UCN3: variants seen among roughly 807,000 people sequenced by gnomAD.
UCN3 encodes the protein urocortin 3.
UCN3 carries 3 observed loss-of-function variants against 3.6 expected under a neutral mutation model. The observed-to-expected ratio is 0.83, with a 90% CI of 0.38 to 2.15. The LOEUF is 2.15. Ranked by LOEUF, UCN3 falls within the 30% of genes most tolerant of loss-of-function variation. The probability of loss-of-function intolerance (pLI) is 0.06; values close to 1 mark genes in which losing one functional copy is unlikely to be tolerated. For missense variants in UCN3, 206 were observed against 208.3 expected (o/e 0.99, Z 0.07); for synonymous variants, 100 against 93.2 (o/e 1.07, Z -0.42).
rs1263387278 is a variant in UCN3 at position 5,366,295 on chromosome 10, G to T, written c.-7+1065G>T. Among the ~76,000 whole-genome samples the T allele has an allele frequency of 1.3e-5, 2 of 152,184 alleles. No individual in the cohort carries two copies. Among genetic ancestry groups the T allele is most frequent in the African/African-American group, 2.4e-5 (1 of 41,444 alleles). On this transcript the variant is annotated intron_variant, in intron 1 of 1. Coordinates refer to ENST00000380433, the MANE Select transcript of UCN3 (RefSeq NM_053049.4). This position sits in a 1 kb window ranked among gnomAD's most constrained non-coding sequence, Gnocchi z 4.2. ...CTCGACAAGTGCTACTGTCACCATAGCCCAAAGGAATGGTTGAGTTTCAGG... is the reference window on the plus strand; with the variant it reads ...CTCGACAAGTGCTACTGTCACCATATCCCAAAGGAATGGTTGAGTTTCAGG...
intron 1 of UCN3, among the ~76,000 whole-genome samples, chr10:5,373,327 G>A (rs1291938707): frequency 6.6e-6 from 1 of 152,126 alleles, no homozygotes; most frequent in Non-Finnish European, 1.5e-5. Context: ...ATCAACTATG[G>A]TAGGCTGCTA....
chr10:5,373,364 C>G (rs111727562), intron 1 of UCN3, among the ~76,000 whole-genome samples: 2 of 152,098 alleles, frequency 1.3e-5, no homozygotes, highest in African/African-American at 4.8e-5. Context: ...ATTAGTTATT[C>G]GCTTTACAGG....
intron 1 of UCN3, among the ~76,000 whole-genome samples, chr10:5,370,595 G>A: frequency 1.6e-5 from 2 of 125,256 alleles, no homozygotes; most frequent in Admixed American, 8.9e-5. Context: ...GTATATGTGT[G>A]TGTGTATGCG....
rs1198974672 is a variant in UCN3 at position 5,369,911 on chromosome 10, GTA to G, written c.-6-3800_-6-3799del. Among the ~76,000 whole-genome samples, 50 of 121,364 alleles carry G rather than the reference GTA, an allele frequency of 4.1e-4. 5 individuals carry two copies. The highest frequency in any genetic ancestry group is 1.8e-3 in the African/African-American group (47 of 26,478). The allele number at this position is 121,364 out of a possible 152,430, so 79.6% of individuals were successfully genotyped here. A position where few individuals can be genotyped will look rare whatever the true frequency, so the allele number is the denominator to read the frequency against. On this transcript the variant is annotated intron_variant, in intron 1 of 1. Coordinates refer to ENST00000380433, the MANE Select transcript of UCN3 (RefSeq NM_053049.4). ...TATGTGTGTGTGTATATGTGTGTGT[GTA>G]TATGTGTGTGTATGTGTGTGTGTGT...
At chr10:5,372,174 G>T (rs1554811608) in intron 1 of UCN3, among the ~76,000 whole-genome samples, 1 of 152,246 alleles carries the variant, frequency 6.6e-6, no homozygotes, top group African/African-American at 2.4e-5. Flanking sequence ...TTACAGGGCT[G>T]GGGAGAGTGT....
At chr10:5,371,551 G>A (rs565850572) in intron 1 of UCN3, among the ~76,000 whole-genome samples, 9 of 152,178 alleles carry the variant, frequency 5.9e-5, no homozygotes, top group Middle Eastern at 3.4e-3. Context: ...TCTGTCCATC[G>A]CTCACAGCCT....
At chr10:5,369,186 C>T (rs1033639994) in intron 1 of UCN3, among the ~76,000 whole-genome samples, 30 of 152,196 alleles carry the variant, frequency 2.0e-4, no homozygotes, top group African/African-American at 6.5e-4. Context: ...GCCAGAGATA[C>T]GATACAACAA....
At position 5,374,008 on chromosome 10, in the gene UCN3, A is replaced by G; in HGVS notation, c.288A>G (p.Arg96=). 6.2e-7 allele frequency: 1 copy of G among 1,611,384 alleles called. No homozygotes were observed. Among genetic ancestry groups the G allele is most frequent in the Middle Eastern group, 1.6e-4 (1 of 6,062 alleles). Residue 96 remains arginine, a synonymous_variant, in exon 2 of 2, where the codon AGA becomes AGG. Transcript: ENST00000380433. ...ARGGARGTRY[R]YVSQAQPRGK... ...GTGGAGCCAGAGGCACCCGGTACAG[A>G]TACGTGTCCCAAGCACAGCCCAGGG...
In UCN3 at chr10:5,367,196, A is replaced by G. The variant is rs1554810759; in HGVS notation, c.-7+1966A>G. Among the ~76,000 whole-genome samples, 1 of 152,234 alleles carries G rather than the reference A, an allele frequency of 6.6e-6. No homozygotes were observed. The highest frequency in any genetic ancestry group is 1.5e-5 in the Non-Finnish European group (1 of 68,038). On this transcript the variant is annotated intron_variant, in intron 1 of 1. Transcript: ENST00000380433. The surrounding 1 kb of genome is among the most constrained non-coding windows in gnomAD (Gnocchi z 4.3). ...CTAGCCCATTGCAAGGGAAAACCTG[A>G]ACTTTTTCACAGGAAAATTGCAGAA...
chr10:5,370,880 T>TG (rs1275355059), intron 1 of UCN3, among the ~76,000 whole-genome samples: 1 of 108,218 alleles, frequency 9.2e-6, no homozygotes, highest in East Asian at 3.3e-4. Context: ...TGTGTGTGTA[T>TG]ATGCGTGTGT....
In UCN3 at chr10:5,369,913, A is replaced by G. The variant is rs940305599; in HGVS notation, c.-6-3802A>G. On this transcript the variant is annotated intron_variant, in intron 1 of 1. Coordinates refer to ENST00000380433, the MANE Select transcript of UCN3 (RefSeq NM_053049.4). ...TGTGTGTGTGTATATGTGTGTGTGTATATGTGTGTGTATGTGTGTGTGTGT... is the reference window on the plus strand; with the variant it reads ...TGTGTGTGTGTATATGTGTGTGTGTGTATGTGTGTGTATGTGTGTGTGTGT... 1.6e-3 allele frequency among the ~76,000 whole-genome samples: 156 copies of G among 99,588 alleles called. 15 individuals are homozygous for G. The highest frequency in any genetic ancestry group is 5.9e-3 in the African/African-American group (123 of 20,788). The allele number at this position is 99,588 out of a possible 152,430, so 65.3% of individuals were successfully genotyped here.
rs1464649357 is a variant in UCN3, at chr10:5,373,901, T to C, written c.181T>C (p.Tyr61His). The change falls in exon 2 of 2, where the codon TAC (tyrosine) becomes CAC (histidine). Residue 61 changes from tyrosine (Y) to histidine (H), a missense_variant. Transcript: ENST00000380433. ...ASLLSKRSFH[Y>H]LRSRDASSGE... The stretch of plus-strand genomic sequence containing the variant: ...CCTGCTGAGCAAGAGGAGCTTCCAC[T>C]ACCTGCGCAGCAGAGACGCCTCTTC... The C allele has an allele frequency of 7.4e-6, 12 of 1,613,776 alleles. No homozygotes were observed. The highest frequency in any genetic ancestry group is 1.3e-5 in the African/African-American group (1 of 74,976).
chr10:5,370,466 TATATGC>T (rs1447553112), intron 1 of UCN3, among the ~76,000 whole-genome samples: 4 of 114,048 alleles, frequency 3.5e-5, no homozygotes, highest in East Asian at 3.5e-4. Context: ...TATATGTGTG[TATATGC>T]GTGTGTATAT....
chr10:5,370,274 CGT>C (rs1451199714), intron 1 of UCN3, among the ~76,000 whole-genome samples: 4 of 32,050 alleles, frequency 1.2e-4, no homozygotes, highest in East Asian at 2.3e-3. Flanking sequence ...TGTGTATATG[CGT>C]GTGTATATGC....
At position 5,373,985 on chromosome 10, in the gene UCN3, G is replaced by A. The variant is rs140061257; in HGVS notation, c.265G>A (p.Gly89Arg). 3.1e-4 allele frequency: 504 copies of A among 1,610,646 alleles called. 1 individual carries two copies. The African/African-American group carries it at 6.1e-3, about 20-fold the overall frequency. Reference sequence around the variant, plus strand: ...TTTCCCCATCTCTGGGGCCAGGGGTGGAGCCAGAGGCACCCGGTACAGATA... The same window carrying A: ...TTTCCCCATCTCTGGGGCCAGGGGTAGAGCCAGAGGCACCCGGTACAGATA... ...KTFPISGARG[G>R]ARGTRYRYVS... Residue 89 changes from glycine (G) to arginine (R), a missense_variant, in exon 2 of 2, where the codon GGA (glycine) becomes AGA (arginine). Transcript: ENST00000380433.
rs1554811269 is a variant in UCN3 at position 5,370,593 on chromosome 10, GTGTGTGTATGCGTGTGTA to G, written c.-6-3120_-6-3103del. 7.9e-5 allele frequency among the ~76,000 whole-genome samples: 10 copies of G among 126,560 alleles called. 3 individuals are homozygous for G. Among genetic ancestry groups the G allele is most frequent in the Non-Finnish European group, 1.6e-4 (10 of 60,608 alleles). The allele number at this position is 126,560 out of a possible 152,430, so 83.0% of individuals were successfully genotyped here. A position where few individuals can be genotyped will look rare whatever the true frequency, so the allele number is the denominator to read the frequency against. On this transcript the variant is annotated intron_variant, in intron 1 of 1. Coordinates refer to ENST00000380433, the MANE Select transcript of UCN3 (RefSeq NM_053049.4). ...TATGCGTGTATATGTGTGTATATGTGTGTGTGTATGCGTGTGTATATGCGTGTATATGCGTGTGTATGT... is the reference window on the plus strand; with the variant it reads ...TATGCGTGTATATGTGTGTATATGTGTATGCGTGTATATGCGTGTGTATGT...
In UCN3 at chr10:5,370,385, A is replaced by G. The variant is rs1297100915; in HGVS notation, c.-6-3330A>G. On this transcript the variant is annotated intron_variant, in intron 1 of 1. Transcript: ENST00000380433. ...TATATGCGTGTGTATATGCGTGTATATGCGTGTGTATATGTGTGTGTATAT... is the reference window on the plus strand; with the variant it reads ...TATATGCGTGTGTATATGCGTGTATGTGCGTGTGTATATGTGTGTGTATAT... Among the ~76,000 whole-genome samples the G allele has an allele frequency of 7.4e-5, 4 of 53,892 alleles. 1 individual carries two copies. Among genetic ancestry groups the G allele is most frequent in the African/African-American group, 3.3e-4 (3 of 9,208 alleles). The allele number at this position is 53,892 out of a possible 152,430, so 35.4% of individuals were successfully genotyped here.
Position 5,373,979 on chromosome 10 carries a change from A to G in UCN3, c.259A>G (p.Arg87Gly), listed in dbSNP as rs551651902. 1.7e-5 allele frequency: 27 copies of G among 1,610,762 alleles called. 1 individual carries two copies. In the South Asian group the frequency reaches 2.8e-4, roughly 16 times the overall value. ...AAAGACTTTCCCCATCTCTGGGGCC[A>G]GGGGTGGAGCCAGAGGCACCCGGTA... is the stretch of plus-strand genomic sequence containing the variant. ...EKKTFPISGA[R>G]GGARGTRYRY... The change falls in exon 2 of 2, where the codon AGG (arginine) becomes GGG (glycine). Residue 87 changes from arginine to glycine, a missense_variant. Physicochemically the swap from Arg to Gly is moderately radical, Grantham distance 125. Transcript: ENST00000380433.
At chr10:5,372,707 G>A (rs776597694) in intron 1 of UCN3, among the ~76,000 whole-genome samples, 2 of 145,020 alleles carry the variant, frequency 1.4e-5, no homozygotes, top group East Asian at 2.1e-4. Context: ...ACACCACCAC[G>A]CCCAGCTAAT....
Sources: gnomAD v4.1 joint callset for allele counts (sites outside exome capture counted in the v4.1 genomes callset) on GRCh38, gnomAD v4.1.1 for gene constraint, Gnocchi (gnomAD v3.1) non-coding constraint, MANE v1.5 for transcripts, NCBI Gene and HGNC (gene_info 2026-07-23, HGNC 2026-07-21) for gene names.